The following ELFN1 variants were observed in gnomAD, a reference collection of about 807,000 sequenced individuals.
ELFN1 encodes extracellular leucine rich repeat and fibronectin type III domain containing 1.
A neutral mutation model predicts 7.6 loss-of-function variants in ELFN1; 6 were observed. The observed-to-expected ratio is 0.79, with a 90% CI of 0.43 to 1.56. ELFN1 has a LOEUF of 1.56. Ranked by LOEUF, ELFN1 falls within the 40% of genes most tolerant of loss-of-function variation. The pLI, the probability that ELFN1 is intolerant of heterozygous loss-of-function variation, is 0.01. For missense variants in ELFN1, 1,169 were observed against 1,232.2 expected (o/e 0.95, Z 0.77); for synonymous variants, 657 against 588.1 (o/e 1.12, Z -1.70).
At chr7:1,719,250 CCCACCAACAGGACCCAAG>C (rs1469019117) in intron 3 of ELFN1, among the ~76,000 whole-genome samples, 20 of 114,952 alleles carry the variant, frequency 1.7e-4, no homozygotes, top group African/African-American at 5.5e-4. Flanking sequence ...CAGGGCCCCG[CCCACCAACAGGACCCAAG>C]CCACCAACAG....
chr7:1,704,493 C>A (rs1779489758), intron 2 of ELFN1, among the ~76,000 whole-genome samples: 1 of 152,120 alleles, frequency 6.6e-6, no homozygotes, highest in Non-Finnish European at 1.5e-5. Flanking sequence ...ACAGCCAGAC[C>A]CTCCGTAAAC....
chr7:1,678,136 C>G (rs1266562075), intron 1 of ELFN1, among the ~76,000 whole-genome samples: 1 of 152,194 alleles, frequency 6.6e-6, no homozygotes, highest in African/African-American at 2.4e-5. Context: ...TGGGCAGCTC[C>G]CAGCCCTGGG....
intron 3 of ELFN1, among the ~76,000 whole-genome samples, chr7:1,736,969 C>T (rs1465989032): frequency 6.6e-6 from 1 of 152,130 alleles, no homozygotes; most frequent in African/African-American, 2.4e-5. Context: ...ACAGGCTCCT[C>T]TCCCAGCACT....
intron 3 of ELFN1, among the ~76,000 whole-genome samples, chr7:1,736,412 G>A (rs1234511497): frequency 6.6e-6 from 1 of 152,218 alleles, no homozygotes; most frequent in Non-Finnish European, 1.5e-5. Context: ...TCGAGACGAG[G>A]AACAATATTT....
chr7:1,669,551 T>C (rs1300213648), upstream of ELFN1, among the ~76,000 whole-genome samples: 5 of 152,240 alleles, frequency 3.3e-5, no homozygotes, highest in African/African-American at 4.8e-5. Flanking sequence ...TCTGGGCCTC[T>C]CTTGACTCAG....
At position 1,670,826 on chromosome 7, in the gene ELFN1, TC is replaced by T. The variant is rs899214738; in HGVS notation, c.-549+478del. Among the ~76,000 whole-genome samples, 419 of 145,680 alleles carry T rather than the reference TC, an allele frequency of 2.9e-3. No homozygotes were observed. The highest frequency in any genetic ancestry group is 0.01 in the African/African-American group (401 of 39,418). ...CATCGCCCTCCCTGCTGGGCCGCCCTCCCCCCGACGCTGCGAGCCTCCTCGC... is the reference window on the plus strand; with the variant it reads ...CATCGCCCTCCCTGCTGGGCCGCCCTCCCCCGACGCTGCGAGCCTCCTCGC... On this transcript the variant is annotated intron_variant, in intron 1 of 3. Coordinates refer to ENST00000424383, the MANE Select transcript of ELFN1 (RefSeq NM_001128636.4). This position sits in a 1 kb window ranked among gnomAD's most constrained non-coding sequence, Gnocchi z 6.4.
chr7:1,725,528 G>A (rs927983394), intron 3 of ELFN1, among the ~76,000 whole-genome samples: 6 of 152,156 alleles, frequency 3.9e-5, no homozygotes, highest in African/African-American at 7.2e-5. Context: ...CTCCCGGGCC[G>A]GCTGCCTCTC....
chr7:1,711,210 C>T (rs772824399), intron 3 of ELFN1, among the ~76,000 whole-genome samples: 1 of 152,322 alleles, frequency 6.6e-6, no homozygotes, highest in East Asian at 1.9e-4. Flanking sequence ...GACCAGTCTC[C>T]GAGGGGCTGC....
chr7:1,703,545 G>T (rs548892989), intron 2 of ELFN1, among the ~76,000 whole-genome samples: 1 of 152,272 alleles, frequency 6.6e-6, no homozygotes, highest in South Asian at 2.1e-4. Flanking sequence ...TCTGGAATTT[G>T]TGGGGCTGTG....
intron 1 of ELFN1, among the ~76,000 whole-genome samples, chr7:1,684,793 A>G (rs1431092751): frequency 6.6e-6 from 1 of 152,162 alleles, no homozygotes; most frequent in East Asian, 1.9e-4. Context: ...TTTCATTAAT[A>G]TATGTTGACG....
At chr7:1,706,425 AAAAC>A (rs1449406362) in intron 2 of ELFN1, among the ~76,000 whole-genome samples, 1 of 70,088 alleles carries the variant, frequency 1.4e-5, no homozygotes, top group Non-Finnish European at 2.6e-5. Context: ...CTGTCTCAAA[AAAAC>A]AAAACAAAAC....
intron 3 of ELFN1, among the ~76,000 whole-genome samples, chr7:1,743,960 G>C (rs985762617): frequency 3.9e-5 from 6 of 152,160 alleles, no homozygotes; most frequent in African/African-American, 1.4e-4. Context: ...AGTGAAATGG[G>C]CTTCAGGGAC....
chr7:1,746,096 G>T lies in ELFN1; in HGVS notation c.1500G>T (p.Leu500=). 1 of 1,546,896 alleles carries T rather than the reference G, an allele frequency of 6.5e-7. No homozygotes were observed. Among genetic ancestry groups the T allele is most frequent in the Non-Finnish European group, 8.7e-7 (1 of 1,144,910 alleles). ...AGGCCGTGACGCGCATCCCTTACCT[G>T]CCTGCGGCCGGCGAGGTGGAGCAGT... The part of the protein sequence containing the change: ...GPEAVTRIPY[L]PAAGEVEQYK... Residue 500 remains leucine, a synonymous_variant, in exon 4 of 4, where the codon CTG becomes CTT. Transcript: ENST00000424383.
chr7:1,682,907 T>C (rs1179079182), intron 1 of ELFN1, among the ~76,000 whole-genome samples: 1 of 152,206 alleles, frequency 6.6e-6, no homozygotes, highest in Admixed American at 6.5e-5. Flanking sequence ...AGAGTTTTTC[T>C]GTGAATGGGT....
intron 2 of ELFN1, among the ~76,000 whole-genome samples, chr7:1,698,124 T>C (rs959147721): frequency 1.3e-5 from 2 of 152,246 alleles, no homozygotes; most frequent in Non-Finnish European, 2.9e-5. Flanking sequence ...GTATCCTTTT[T>C]TTCATAGGAT....
intron 2 of ELFN1, among the ~76,000 whole-genome samples, chr7:1,697,752 A>G (rs1225000166): frequency 1.3e-5 from 2 of 152,070 alleles, no homozygotes; most frequent in Non-Finnish European, 2.9e-5. Context: ...ACATCAAGGC[A>G]TGTGTCACCT....
rs1033476488 is a variant in ELFN1, at chr7:1,693,484, G to A, written c.-456+5334G>A. On this transcript the variant is annotated intron_variant, in intron 2 of 3. Coordinates refer to ENST00000424383, the MANE Select transcript of ELFN1 (RefSeq NM_001128636.4). ...GCACCCAGACAGGTGCGTGCCGCAG[G>A]GACAGAGTATACGATGTGTGGTGTG... 32 of 471,052 alleles carry A rather than the reference G, an allele frequency of 6.8e-5. No homozygotes were observed. In the Admixed American group the frequency reaches 7.3e-4, roughly 11 times the overall value. 29.2% of individuals were successfully genotyped at this position (471,052 alleles called of 1,614,324 possible). A position where few individuals can be genotyped will look rare whatever the true frequency, so the allele number is the denominator to read the frequency against.
rs140162921 is a variant in ELFN1 at position 1,727,547 on chromosome 7, G to T, written c.-293-16757G>T. On this transcript the variant is annotated intron_variant, in intron 3 of 3. Transcript: ENST00000424383. ...AGCTGTCTCCCCAGCCCCACTCAAG[G>T]GGCCTCCCTTCATTTCCTCATTCAA... is the stretch of plus-strand genomic sequence containing the variant. Among the ~76,000 whole-genome samples the T allele has an allele frequency of 8.9e-3, 1,348 of 152,186 alleles. 21 individuals are homozygous for T. The highest frequency in any genetic ancestry group is 0.03 in the African/African-American group (1,261 of 41,526).
intron 3 of ELFN1, among the ~76,000 whole-genome samples, chr7:1,713,006 C>T (rs1779708080): frequency 6.6e-6 from 1 of 152,246 alleles, no homozygotes; most frequent in South Asian, 2.1e-4. Flanking sequence ...GGGAACTCAG[C>T]AGTCTCCGGA....
Sources: gnomAD v4.1 joint callset for allele counts (sites outside exome capture counted in the v4.1 genomes callset) on GRCh38, gnomAD v4.1.1 for gene constraint, Gnocchi (gnomAD v3.1) non-coding constraint, MANE v1.5 for transcripts, NCBI Gene and HGNC (gene_info 2026-07-23, HGNC 2026-07-21) for gene names.